Variants in EYA1 observed in about 807,000 individuals in gnomAD.
The protein encoded by EYA1 is EYA transcriptional coactivator and phosphatase 1.
EYA1 carries 16 observed loss-of-function variants against 82.0 expected under a neutral mutation model. The observed-to-expected ratio is 0.20, with a 90% CI of 0.13 to 0.30. The LOEUF is 0.30. EYA1 is among the 10% of genes least tolerant of loss of function. The pLI is 1.00. For missense variants in EYA1, 633 were observed against 730.7 expected (o/e 0.87, Z 1.54); for synonymous variants, 261 against 264.4 (o/e 0.99, Z 0.12).
rs1490905235 is a variant in EYA1, at chr8:71,240,477, C to CGG, written c.1140+4124_1140+4125dup. Among the ~76,000 whole-genome samples, 8 of 152,200 alleles carry CGG rather than the reference C, an allele frequency of 5.3e-5. No homozygotes were observed. In the South Asian group the frequency reaches 6.2e-4, roughly 12 times the overall value. On this transcript the variant is annotated intron_variant, in intron 12 of 17. Transcript: ENST00000340726. ...GAGTTTAGAACAGCTTTGCTACTAA[C>CGG]GGGGTGAGCGTGGTATGTGCAATAG...
chr8:71,448,481 T>TC (rs139539743), intron 2 of EYA1, among the ~76,000 whole-genome samples: 7,790 of 152,182 alleles, frequency 0.051, 660 homozygotes, highest in African/African-American at 0.18. Flanking sequence ...AGTTACTTCC[T>TC]CCCCTGAAGT....
At chr8:71,400,080 A>G (rs1055723063) in intron 2 of EYA1, among the ~76,000 whole-genome samples, 1 of 152,212 alleles carries the variant, frequency 6.6e-6, no homozygotes, top group Non-Finnish European at 1.5e-5. Context: ...TGCTGGGAGA[A>G]CTGGCTAGCC....
At chr8:71,307,444 A>C (rs1169790635) in intron 7 of EYA1, among the ~76,000 whole-genome samples, 4 of 152,124 alleles carry the variant, frequency 2.6e-5, no homozygotes, top group Admixed American at 1.3e-4. Context: ...AGCTGGGATT[A>C]CAAGCGTGTC....
intron 11 of EYA1, among the ~76,000 whole-genome samples, chr8:71,262,049 C>T (rs1815178638): frequency 6.6e-6 from 1 of 152,198 alleles, no homozygotes; most frequent in African/African-American, 2.4e-5. Context: ...AGAACGAAAT[C>T]CTGGCACTCA....
intron 2 of EYA1, among the ~76,000 whole-genome samples, chr8:71,422,954 A>G (rs1012613876): frequency 6.6e-6 from 1 of 152,210 alleles, no homozygotes; most frequent in Non-Finnish European, 1.5e-5. Context: ...CTACAGGGCA[A>G]AAATGATTAT....
intron 9 of EYA1, among the ~76,000 whole-genome samples, chr8:71,273,836 A>T (rs1248026169): frequency 6.6e-6 from 1 of 152,218 alleles, no homozygotes; most frequent in African/African-American, 2.4e-5. Context: ...GACATCGAGC[A>T]ATGTAAGTTA....
intron 2 of EYA1, among the ~76,000 whole-genome samples, chr8:71,415,042 C>T (rs1830784205): frequency 6.6e-6 from 1 of 152,132 alleles, no homozygotes; most frequent in Admixed American, 6.5e-5. Context: ...AAATTCTTCT[C>T]CAATGGCCTC....
chr8:71,293,835 T>G (rs1819279314), intron 9 of EYA1, among the ~76,000 whole-genome samples: 1 of 100,822 alleles, frequency 9.9e-6, no homozygotes, highest in African/African-American at 3.0e-5. Flanking sequence ...AACATTATAC[T>G]TCATGGCGAG....
At chr8:71,217,140 T>C (rs1809317373) in intron 12 of EYA1, 117 bp from the exon 13 acceptor site, 1 of 768,684 alleles carries the variant, frequency 1.3e-6, no homozygotes, top group African/African-American at 1.7e-5. Context: ...ATTTTTCAAC[T>C]ATGTCAATCA....
chr8:71,296,504 C>T (rs1358546896), intron 9 of EYA1, among the ~76,000 whole-genome samples: 1 of 151,758 alleles, frequency 6.6e-6, no homozygotes, highest in Non-Finnish European at 1.5e-5. Context: ...TAGATTTGTC[C>T]CTACTGCATA....
chr8:71,348,497 A>G (rs1439223436), intron 3 of EYA1, among the ~76,000 whole-genome samples: 1 of 152,212 alleles, frequency 6.6e-6, no homozygotes, highest in Non-Finnish European at 1.5e-5. Flanking sequence ...CACTATTAGC[A>G]ATTGGAAGTA....
Position 71,217,008 on chromosome 8 carries a change from G to A in EYA1, c.1156C>T (p.His386Tyr), listed in dbSNP as rs751039720. The A allele has an allele frequency of 9.3e-6, 15 of 1,612,840 alleles. No homozygotes were observed. Among genetic ancestry groups the A allele is most frequent in the Middle Eastern group, 3.3e-4 (2 of 6,082 alleles). ...FNDLEECDQV[H>Y]IDDVSSDDNG... Reference sequence around the variant, plus strand: ...TCATCTGAAGAAACATCATCTATATGGACTTGGTCACATTCCTAAAATGCA... The same window carrying A: ...TCATCTGAAGAAACATCATCTATATAGACTTGGTCACATTCCTAAAATGCA... The change falls in exon 13 of 18, where the codon CAT becomes TAT. Residue 386 changes from histidine (H) to tyrosine (Y), a missense_variant. By Grantham distance (83) the His-to-Tyr change is moderately conservative. Coordinates refer to ENST00000340726, the MANE Select transcript of EYA1 (RefSeq NM_000503.6).
rs573780277 is a variant in EYA1, at chr8:71,346,052, C to T, written c.124+8730G>A. The stretch of plus-strand genomic sequence containing the variant: ...CACACACACTCACTCTTCTGCCATT[C>T]GGAATGTCTTCGTCACAGCTATAAA... On this transcript the variant is annotated intron_variant, in intron 3 of 17. Coordinates refer to ENST00000340726, the MANE Select transcript of EYA1 (RefSeq NM_000503.6). Among the ~76,000 whole-genome samples the T allele has an allele frequency of 7.2e-5, 11 of 151,838 alleles. No individual in the cohort carries two copies. The South Asian group carries it at 8.3e-4, about 11-fold the overall frequency.
In EYA1 at chr8:71,269,769, T is replaced by C; in HGVS notation, c.1021A>G (p.Thr341Ala). ...CCATATCTGTTGGCGTAGGACCCAG[T>C]AAGCAAGGAGTGGAAAACAATGATT... is the stretch of plus-strand genomic sequence containing the variant. ...ETIIVFHSLLTGSYANRYGRD... is the reference protein window; with the variant it reads ...ETIIVFHSLLAGSYANRYGRD... Residue 341 changes from threonine (T) to alanine (A), a missense_variant, in exon 11 of 18, where the codon ACT becomes GCT. By Grantham distance (58) the Thr-to-Ala change is moderately conservative. Transcript: ENST00000340726. The C allele has an allele frequency of 6.2e-7, 1 of 1,613,756 alleles. No homozygotes were observed. The highest frequency in any genetic ancestry group is 8.5e-7 in the Non-Finnish European group (1 of 1,179,748).
chr8:71,446,496 G>A (rs542171033), intron 2 of EYA1, among the ~76,000 whole-genome samples: 1 of 152,220 alleles, frequency 6.6e-6, no homozygotes, highest in African/African-American at 2.4e-5. Flanking sequence ...CCAGTCCTGG[G>A]TAGTATCTTC....
chr8:71,385,069 G>T (rs993056944), intron 2 of EYA1, among the ~76,000 whole-genome samples: 1 of 151,810 alleles, frequency 6.6e-6, no homozygotes, highest in African/African-American at 2.4e-5. Flanking sequence ...GAGTGCAGTG[G>T]CGTAATCTTG....
chr8:71,460,486 T>C (rs1314549329), intron 2 of EYA1, among the ~76,000 whole-genome samples: 1 of 152,102 alleles, frequency 6.6e-6, no homozygotes, highest in Admixed American at 6.5e-5. Context: ...TAACAAAAAG[T>C]TAGAGCCCAT....
intron 7 of EYA1, among the ~76,000 whole-genome samples, chr8:71,307,989 T>C (rs1254943837): frequency 1.3e-5 from 2 of 152,222 alleles, no homozygotes; most frequent in African/African-American, 2.4e-5. Context: ...AGTACATTTA[T>C]AGTTCAATCT....
intron 2 of EYA1, among the ~76,000 whole-genome samples, chr8:71,418,780 A>G (rs1830991244): frequency 6.6e-6 from 1 of 152,142 alleles, no homozygotes; most frequent in Admixed American, 6.5e-5. Context: ...GCTGTGAAGA[A>G]GGAAGTGGGG....
Sources: gnomAD v4.1 joint callset for allele counts (sites outside exome capture counted in the v4.1 genomes callset) on GRCh38, gnomAD v4.1.1 for gene constraint, MANE v1.5 for transcripts, NCBI Gene and HGNC (gene_info 2026-07-23, HGNC 2026-07-21) for gene names.